Variants in KCNH1 observed in about 807,000 individuals in gnomAD.
The protein encoded by KCNH1 is potassium voltage-gated channel subfamily H member 1.
A neutral mutation model predicts 69.2 loss-of-function variants in KCNH1; 27 were observed. The ratio of observed to expected loss-of-function variants is 0.39; its 90% CI spans 0.29 to 0.54. The LOEUF (loss-of-function observed/expected upper bound fraction) is 0.54, where lower values mean the gene tolerates loss of function less well. KCNH1 is among the 20% of genes least tolerant of loss of function. KCNH1 has a pLI of 0.68. For missense variants in KCNH1, 798 were observed against 1,261.6 expected (o/e 0.63, Z 5.57); for synonymous variants, 456 against 487.7 (o/e 0.93, Z 0.86).
chr1:211,078,532 G>A (rs1340371045), intron 5 of KCNH1, among the ~76,000 whole-genome samples: 3 of 152,122 alleles, frequency 2.0e-5, no homozygotes, highest in Non-Finnish European at 2.9e-5. Flanking sequence ...GGTGCATAAC[G>A]AAATGAAGGT....
rs773231948 is a variant in KCNH1 at position 210,919,880 on chromosome 1, C to T, written c.1222G>A (p.Glu408Lys). The change falls in exon 7 of 11, where the codon GAG (glutamate) becomes AAG (lysine). Residue 408 changes from glutamate (E) to lysine (K), a missense_variant. Around this residue, in one of 4 missense-constraint regions of KCNH1, gnomAD observed 197 missense variants for 407.7 expected, o/e 0.48. Coordinates refer to ENST00000271751, the MANE Select transcript of KCNH1 (RefSeq NM_172362.3). This position sits in a 1 kb window ranked among gnomAD's most constrained non-coding sequence, Gnocchi z 4.2. ...TTGTTGCGGATTGTCTTGGTGTCCT[C>T]GTCAAAGATCTCATAGTCCCCAATG... ...YSIGDYEIFD[E>K]DTKTIRNNSW... 4.3e-6 allele frequency: 7 copies of T among 1,614,020 alleles called. No homozygotes were observed. Among genetic ancestry groups the T allele is most frequent in the Non-Finnish European group, 5.9e-6 (7 of 1,180,026 alleles).
chr1:210,711,616 A>T (rs1682076741), intron 10 of KCNH1, among the ~76,000 whole-genome samples: 1 of 152,100 alleles, frequency 6.6e-6, no homozygotes, highest in Admixed American at 6.5e-5. Flanking sequence ...CCTCTCTGGG[A>T]CTTACCCTTC....
At chr1:211,080,549 G>A (rs899178690) in intron 5 of KCNH1, among the ~76,000 whole-genome samples, 5 of 152,162 alleles carry the variant, frequency 3.3e-5, no homozygotes, top group African/African-American at 4.8e-5. Context: ...GAGGCATCAT[G>A]CTACCTGACT....
At chr1:211,012,356 A>G (rs1181757338) in intron 6 of KCNH1, among the ~76,000 whole-genome samples, 2 of 152,094 alleles carry the variant, frequency 1.3e-5, no homozygotes, top group Non-Finnish European at 2.9e-5. Context: ...CCAGAACAAG[A>G]CCTGTGCTGA....
At chr1:210,938,255 A>G (rs1687811917) in intron 6 of KCNH1, among the ~76,000 whole-genome samples, 1 of 152,210 alleles carries the variant, frequency 6.6e-6, no homozygotes, top group South Asian at 2.1e-4. Context: ...TCCAATAGGT[A>G]ATTTTGCTGT....
intron 1 of KCNH1, among the ~76,000 whole-genome samples, chr1:211,117,700 T>C (rs973455428): frequency 6.6e-6 from 1 of 152,222 alleles, no homozygotes; most frequent in South Asian, 2.1e-4. Context: ...AAGGGGATGA[T>C]AACAAGTTGA....
intron 10 of KCNH1, among the ~76,000 whole-genome samples, chr1:210,716,281 A>T (rs952801837): frequency 8.6e-5 from 13 of 151,774 alleles, no homozygotes; most frequent in Non-Finnish European, 1.6e-4. Flanking sequence ...AAAATACAAA[A>T]ATTAGCTGAG....
Position 211,072,132 on chromosome 1 carries a change from C to T in KCNH1, c.558+10648G>A, listed in dbSNP as rs914111148. Among the ~76,000 whole-genome samples the T allele has an allele frequency of 5.3e-5, 8 of 152,192 alleles. 1 individual carries two copies. Among genetic ancestry groups the T allele is most frequent in the South Asian group, 4.1e-4 (2 of 4,824 alleles). On this transcript the variant is annotated intron_variant, in intron 5 of 10. Coordinates refer to ENST00000271751, the MANE Select transcript of KCNH1 (RefSeq NM_172362.3). The stretch of plus-strand genomic sequence containing the variant: ...CTCTACTAAAATTACAAAAATTAGC[C>T]GTGCATGGTGGCACACACCTGTAAT...
chr1:210,683,662 G>A lies in KCNH1; in HGVS notation c.2589C>T (p.Pro863=), dbSNP rs765954967. The A allele has an allele frequency of 1.4e-5, 23 of 1,614,036 alleles. No homozygotes were observed. The highest frequency in any genetic ancestry group is 2.2e-5 in the East Asian group (1 of 44,886). Residue 863 remains proline, a synonymous_variant, in exon 11 of 11, where the codon CCC becomes CCT. Transcript: ENST00000271751. The surrounding 1 kb of genome is among the most constrained non-coding windows in gnomAD (Gnocchi z 5.7). ...VSKAESMETL[P]ERTKASGEAT... is the part of the protein sequence containing the mutation. ...CCTCGCCTGACGCTTTTGTCCTCTCGGGAAGTGTCTCCATCGACTCAGCCT... is the reference window on the plus strand; with the variant it reads ...CCTCGCCTGACGCTTTTGTCCTCTCAGGAAGTGTCTCCATCGACTCAGCCT...
chr1:210,912,998 G>C (rs1251699445), intron 7 of KCNH1, among the ~76,000 whole-genome samples: 2 of 152,144 alleles, frequency 1.3e-5, no homozygotes, highest in African/African-American at 4.8e-5. Flanking sequence ...CCCAAAATAG[G>C]GTCCATCAGC....
intron 7 of KCNH1, among the ~76,000 whole-genome samples, chr1:210,832,662 CCTT>C (rs1287615742): frequency 1.3e-5 from 2 of 151,942 alleles, no homozygotes; most frequent in Non-Finnish European, 2.9e-5. Flanking sequence ...TAGGTAAACA[CCTT>C]CTTTCAGAGA....
intron 7 of KCNH1, among the ~76,000 whole-genome samples, chr1:210,842,272 A>G (rs1057303398): frequency 6.6e-6 from 1 of 152,214 alleles, no homozygotes; most frequent in African/African-American, 2.4e-5. Flanking sequence ...TATTCCTTTG[A>G]AATAAGAATA....
At chr1:210,955,116 A>C (rs1688142760) in intron 6 of KCNH1, among the ~76,000 whole-genome samples, 1 of 152,214 alleles carries the variant, frequency 6.6e-6, no homozygotes, top group Non-Finnish European at 1.5e-5. Flanking sequence ...AGCTTTCTAC[A>C]TATGGCTAGC....
chr1:210,922,446 C>T (rs1420316341), intron 6 of KCNH1, among the ~76,000 whole-genome samples: 2 of 133,812 alleles, frequency 1.5e-5, no homozygotes, highest in Non-Finnish European at 3.3e-5. Flanking sequence ...AGCCATAAAA[C>T]GTTCAACAGA....
chr1:210,828,346 A>G (rs1270357237), intron 7 of KCNH1, among the ~76,000 whole-genome samples: 3 of 152,196 alleles, frequency 2.0e-5, no homozygotes, highest in Non-Finnish European at 4.4e-5. Context: ...CTCACAGTGT[A>G]ATAAAAGGAT....
chr1:210,814,730 G>C (rs901798967), intron 7 of KCNH1, among the ~76,000 whole-genome samples: 6 of 152,178 alleles, frequency 3.9e-5, no homozygotes, highest in Non-Finnish European at 7.4e-5. Context: ...ATGCTGGATG[G>C]AACAGATTCA....
intron 7 of KCNH1, among the ~76,000 whole-genome samples, chr1:210,835,902 G>T (rs1240459996): frequency 6.6e-6 from 1 of 151,924 alleles, no homozygotes; most frequent in African/African-American, 2.4e-5. Context: ...GACCAAGGTA[G>T]GCAGATCACC....
At position 211,033,887 on chromosome 1, in the gene KCNH1, A is replaced by T. The variant is rs969815251; in HGVS notation, c.559-14631T>A. 6.8e-4 allele frequency among the ~76,000 whole-genome samples: 104 copies of T among 151,930 alleles called. 9 individuals carry two copies. Among genetic ancestry groups the T allele is most frequent in the Non-Finnish European group, 2.9e-5 (2 of 68,004 alleles). On this transcript the variant is annotated intron_variant, in intron 5 of 10. Coordinates refer to ENST00000271751, the MANE Select transcript of KCNH1 (RefSeq NM_172362.3). ...TATGTAACAAACCTGCACGTTGTGC[A>T]TGTGTACCCTAAAACTTAAAGTATA... is the stretch of plus-strand genomic sequence containing the variant.
Position 210,971,101 on chromosome 1 carries a change from C to T in KCNH1, c.1032+47682G>A, listed in dbSNP as rs572956162. 3.4e-4 allele frequency among the ~76,000 whole-genome samples: 51 copies of T among 152,196 alleles called. 1 individual carries two copies. Among genetic ancestry groups the T allele is most frequent in the African/African-American group, 1.2e-3 (51 of 41,532 alleles). On this transcript the variant is annotated intron_variant, in intron 6 of 10. Transcript: ENST00000271751. The stretch of plus-strand genomic sequence containing the variant: ...TCAAAACCACAGTGAGATACCATCT[C>T]ATGCCAGTCAGAATGATGATTTTTT...
Sources: gnomAD v4.1 joint callset for allele counts (sites outside exome capture counted in the v4.1 genomes callset) on GRCh38, gnomAD v4.1.1 for gene constraint, gnomAD v4.1.1 regional missense constraint, Gnocchi (gnomAD v3.1) non-coding constraint, MANE v1.5 for transcripts, NCBI Gene and HGNC (gene_info 2026-07-23, HGNC 2026-07-21) for gene names.